SLC2A13: variants seen among roughly 807,000 people sequenced by gnomAD.
SLC2A13 encodes solute carrier family 2 member 13.
A neutral mutation model predicts 64.4 loss-of-function variants in SLC2A13; 32 were observed. The ratio of observed to expected loss-of-function variants is 0.50; its 90% CI spans 0.37 to 0.67. SLC2A13 has a LOEUF of 0.67. SLC2A13 is among the 30% of genes least tolerant of loss of function. The pLI is 0.00. For synonymous variants in SLC2A13, 338 were observed against 327.1 expected (o/e 1.03, Z -0.36); for missense variants, 743 against 829.2 (o/e 0.90, Z 1.28).
At position 39,873,227 on chromosome 12, in the gene SLC2A13, G is replaced by A. The variant is rs183854626; in HGVS notation, c.1035-1266C>T. 7.2e-5 allele frequency among the ~76,000 whole-genome samples: 11 copies of A among 152,252 alleles called. No homozygotes were observed. The East Asian group carries it at 1.5e-3, about 21-fold the overall frequency. On this transcript the variant is annotated intron_variant, in intron 4 of 9. Transcript: ENST00000280871. Reference sequence around the variant, plus strand: ...GTTTTACTGATCACACTAAAAAGCTGCCAACCATTTTAAGACTGAATTCTG... The same window carrying A: ...GTTTTACTGATCACACTAAAAAGCTACCAACCATTTTAAGACTGAATTCTG...
At chr12:39,766,185 C>G (rs765743088) in intron 7 of SLC2A13, among the ~76,000 whole-genome samples, 1 of 152,030 alleles carries the variant, frequency 6.6e-6, no homozygotes, top group Non-Finnish European at 1.5e-5. Flanking sequence ...TTTGGATTAT[C>G]CTTTCAGTAT....
intron 1 of SLC2A13, among the ~76,000 whole-genome samples, chr12:40,099,184 G>GA (rs1319501247): frequency 6.6e-6 from 1 of 152,192 alleles, no homozygotes; most frequent in Non-Finnish European, 1.5e-5. Flanking sequence ...TTACATGTGG[G>GA]AAAAGTTTGA....
chr12:39,765,951 C>T lies in SLC2A13; in HGVS notation c.1446-1093G>A, dbSNP rs576886893. Among the ~76,000 whole-genome samples, 167 of 152,176 alleles carry T rather than the reference C, an allele frequency of 1.1e-3. 1 individual carries two copies. The highest frequency in any genetic ancestry group is 0.01 in the Middle Eastern group (3 of 294). On this transcript the variant is annotated intron_variant, in intron 7 of 9. Coordinates refer to ENST00000280871, the MANE Select transcript of SLC2A13 (RefSeq NM_052885.4). ...GTCCATGTGTTCTCATTGTTCAGCT[C>T]CCAATTATATGTGAAAACACGCAGT...
chr12:40,074,974 G>T (rs1044088960), intron 1 of SLC2A13, among the ~76,000 whole-genome samples: 2 of 152,134 alleles, frequency 1.3e-5, no homozygotes, highest in African/African-American at 4.8e-5. Context: ...CAAATAAAAG[G>T]CTAGAGAGAA....
intron 1 of SLC2A13, among the ~76,000 whole-genome samples, chr12:40,084,257 C>T (rs1011955815): frequency 6.6e-6 from 1 of 152,218 alleles, no homozygotes; most frequent in Non-Finnish European, 1.5e-5. Context: ...CCAACTTCTG[C>T]CACCAGGCTC....
rs1286392127 is a variant in SLC2A13 at position 39,755,475 on chromosome 12, CATCAAGTGAT to C, written c.*4541_*4550del. The C allele has an allele frequency of 6.6e-6, 1 of 152,062 alleles. No homozygotes were observed. Among genetic ancestry groups the C allele is most frequent in the Non-Finnish European group, 1.5e-5 (1 of 67,876 alleles). The allele number at this position is 152,062 out of a possible 1,614,324, so 9.4% of individuals were successfully genotyped here. ...TTATTACAAATAAAAGATACTTTAA[CATCAAGTGAT>C]ATATAGTCCAAAAGCTGCTAGGAGA... On this transcript the variant is annotated 3_prime_UTR_variant, in exon 10 of 10. Transcript: ENST00000280871.
chr12:39,786,607 A>C (rs7135047), intron 7 of SLC2A13, among the ~76,000 whole-genome samples: 144,533 of 152,248 alleles, frequency 0.95, 68,712 homozygotes, highest in East Asian at 1. Context: ...TGATATTCAG[A>C]CTTGGGGCTC....
chr12:39,918,494 G>C (rs912883575), intron 4 of SLC2A13, among the ~76,000 whole-genome samples: 2 of 151,700 alleles, frequency 1.3e-5, no homozygotes, highest in African/African-American at 4.9e-5. Context: ...AGATCTGCTT[G>C]ATAGGTTGAG....
At chr12:40,033,466 C>T (rs962249513) in intron 2 of SLC2A13, among the ~76,000 whole-genome samples, 1 of 152,234 alleles carries the variant, frequency 6.6e-6, no homozygotes, top group Non-Finnish European at 1.5e-5. Flanking sequence ...AGGTGCCCAA[C>T]ACAGTACCAC....
intron 7 of SLC2A13, among the ~76,000 whole-genome samples, chr12:39,815,732 A>G (rs193247324): frequency 1.3e-5 from 2 of 152,340 alleles, no homozygotes; most frequent in African/African-American, 4.8e-5. Flanking sequence ...GCTGAAAAGT[A>G]TCTTGATATA....
chr12:39,785,238 C>T (rs1033267871), intron 7 of SLC2A13, among the ~76,000 whole-genome samples: 3 of 152,268 alleles, frequency 2.0e-5, no homozygotes, highest in East Asian at 1.9e-4. Flanking sequence ...CCTGGGGTCC[C>T]CATGCTGTGT....
At chr12:39,932,975 C>T (rs1247584268) in intron 4 of SLC2A13, among the ~76,000 whole-genome samples, 2 of 152,010 alleles carry the variant, frequency 1.3e-5, no homozygotes, top group Admixed American at 1.3e-4. Context: ...GCCTGTAATC[C>T]CAGCACTTTG....
At chr12:39,905,118 C>A (rs1359990033) in intron 4 of SLC2A13, among the ~76,000 whole-genome samples, 1 of 152,106 alleles carries the variant, frequency 6.6e-6, no homozygotes, top group Non-Finnish European at 1.5e-5. Context: ...ATTTTAAAAT[C>A]AGAATTTAAA....
At chr12:39,896,523 T>C (rs1458395574) in intron 4 of SLC2A13, among the ~76,000 whole-genome samples, 2 of 136,668 alleles carry the variant, frequency 1.5e-5, no homozygotes, top group Non-Finnish European at 3.2e-5. Context: ...TGTGTATACA[T>C]GTATACATGT....
intron 4 of SLC2A13, among the ~76,000 whole-genome samples, chr12:39,907,469 C>G (rs1040980681): frequency 6.6e-6 from 1 of 152,042 alleles, no homozygotes; most frequent in Non-Finnish European, 1.5e-5. Context: ...AAAAATGGAC[C>G]TCAGTGCCCT....
chr12:39,860,768 C>A (rs1478831225), intron 6 of SLC2A13, among the ~76,000 whole-genome samples: 8 of 152,134 alleles, frequency 5.3e-5, no homozygotes, highest in African/African-American at 1.4e-4. Flanking sequence ...AATCTGTCTA[C>A]CTGCTTATCT....
chr12:39,882,816 A>G (rs1163654423), intron 4 of SLC2A13, among the ~76,000 whole-genome samples: 1 of 152,182 alleles, frequency 6.6e-6, no homozygotes, highest in Non-Finnish European at 1.5e-5. Context: ...ACTTTTCCCC[A>G]GAAATTTATC....
chr12:40,048,005 C>T (rs756697479), intron 2 of SLC2A13, 46 bp downstream of exon 2: 41 of 1,532,642 alleles, frequency 2.7e-5, no homozygotes, highest in Non-Finnish European at 3.4e-5. Flanking sequence ...CTCCCCTTCC[C>T]CAAAATCAAG....
intron 3 of SLC2A13, among the ~76,000 whole-genome samples, chr12:39,974,162 A>G (rs1443033593): frequency 2.6e-5 from 4 of 152,262 alleles, no homozygotes; most frequent in Non-Finnish European, 5.9e-5. Context: ...CACAACAAAT[A>G]TATGAGTTAG....
Sources: allele counts gnomAD v4.1 joint callset (sites outside exome capture counted in the v4.1 genomes callset), GRCh38; gene constraint gnomAD v4.1.1; transcripts MANE v1.5; gene names NCBI Gene and HGNC (gene_info 2026-07-23, HGNC 2026-07-21).